USP32: variants seen among roughly 807,000 people sequenced by gnomAD.
USP32 encodes the protein ubiquitin carboxyl-terminal hydrolase 32.
USP32 carries 59 observed loss-of-function variants against 204.8 expected under a neutral mutation model. The observed-to-expected ratio is 0.29, with a 90% confidence interval of 0.23 to 0.36. The LOEUF (loss-of-function observed/expected upper bound fraction) is 0.36. USP32 is among the 10% of genes least tolerant of loss of function. The pLI, the probability that USP32 is intolerant of heterozygous loss-of-function variation, is 1.00. For synonymous variants in USP32, 517 were observed against 678.4 expected (o/e 0.76, Z 3.70); for missense variants, 1,160 against 1,946.4 (o/e 0.60, Z 7.60).
At chr17:60,402,258 T>C (rs1047509391) in intron 1 of USP32, among the ~76,000 whole-genome samples, 11 of 150,236 alleles carry the variant, frequency 7.3e-5, no homozygotes, top group African/African-American at 2.7e-4. Context: ...TTTTTTTTTT[T>C]TTTTTTTTTT....
intron 18 of USP32, among the ~76,000 whole-genome samples, chr17:60,212,594 C>T (rs1335465335): frequency 6.6e-6 from 1 of 151,694 alleles, no homozygotes; most frequent in Non-Finnish European, 1.5e-5. Context: ...TTTAAAGTCA[C>T]TTGGTTTGAA....
At chr17:60,377,068 A>C (rs1330602248) in intron 1 of USP32, among the ~76,000 whole-genome samples, 2 of 152,154 alleles carry the variant, frequency 1.3e-5, no homozygotes, top group Non-Finnish European at 2.9e-5. Flanking sequence ...TTTTTCGGCC[A>C]ATATTTACAT....
rs576931983 is a variant in USP32, at chr17:60,416,494, G to T, written c.106+5752C>A. ...GCCTAAAGTATATGGCACATATTTG[G>T]ATTAAAAAAAATGTGGTGGAGGGAT... On this transcript the variant is annotated intron_variant, in intron 1 of 3. Transcript: ENST00000588898. Among the ~76,000 whole-genome samples the T allele has an allele frequency of 1.8e-3, 277 of 152,084 alleles. 1 individual carries two copies. Among genetic ancestry groups the T allele is most frequent in the Non-Finnish European group, 1.9e-3 (131 of 67,958 alleles).
At chr17:60,363,909 C>G (rs2089262909) in intron 1 of USP32, among the ~76,000 whole-genome samples, 1 of 152,004 alleles carries the variant, frequency 6.6e-6, no homozygotes, top group Admixed American at 6.6e-5. Context: ...TGGGGGGGCA[C>G]CTTACAGACA....
chr17:60,230,987 A>G (rs913739081), intron 12 of USP32, among the ~76,000 whole-genome samples: 2 of 152,208 alleles, frequency 1.3e-5, no homozygotes, highest in African/African-American at 2.4e-5. Context: ...GAACTATTCA[A>G]AATTATCCTA....
At chr17:60,375,451 A>C (rs755882459) in intron 1 of USP32, among the ~76,000 whole-genome samples, 1 of 152,214 alleles carries the variant, frequency 6.6e-6, no homozygotes, top group Non-Finnish European at 1.5e-5. Context: ...ACTTAAAGGA[A>C]CGTCTACAAT....
chr17:60,232,956 C>CTGGGCTAACTCATT (rs2085613563), intron 12 of USP32, among the ~76,000 whole-genome samples: 2 of 152,166 alleles, frequency 1.3e-5, no homozygotes, highest in African/African-American at 4.8e-5. Flanking sequence ...AAGTGCTTCA[C>CTGGGCTAACTCATT]ATGTATTAAC....
chr17:60,238,752 C>T (rs1012343208), intron 11 of USP32, among the ~76,000 whole-genome samples: 1 of 148,350 alleles, frequency 6.7e-6, no homozygotes, highest in Non-Finnish European at 1.5e-5. Flanking sequence ...TGCAGTGAGT[C>T]GAGATCATGC....
chr17:60,255,549 T>C (rs1444559559), intron 9 of USP32, among the ~76,000 whole-genome samples: 1 of 152,150 alleles, frequency 6.6e-6, no homozygotes, highest in Non-Finnish European at 1.5e-5. Context: ...CCATCCGCCT[T>C]GGCCTCCCAA....
chr17:60,412,534 CAAA>C (rs202179814), intron 1 of USP32, among the ~76,000 whole-genome samples: 8 of 108,554 alleles, frequency 7.4e-5, no homozygotes, highest in Middle Eastern at 4.6e-3. Flanking sequence ...TACCCTGTTT[CAAA>C]AAAAAAAAAA....
chr17:60,193,042 C>T (rs2084426205), intron 27 of USP32, 112 bp from the exon 28 acceptor site: 13 of 1,116,792 alleles, frequency 1.2e-5, no homozygotes, highest in East Asian at 2.5e-5. Flanking sequence ...CATAGCAGTA[C>T]GCTCATGTTG....
intron 11 of USP32, chr17:60,245,487 T>A (rs549501139): frequency 1.1e-4 from 36 of 336,822 alleles, no homozygotes; most frequent in South Asian, 1.0e-3. Context: ...GCATGTGGTT[T>A]GTTTTTTGTT....
chr17:60,405,532 C>T (rs904907183), intron 1 of USP32, among the ~76,000 whole-genome samples: 6 of 152,100 alleles, frequency 3.9e-5, no homozygotes, highest in South Asian at 2.1e-4. Flanking sequence ...TAAAATCATG[C>T]GGTTGAATTG....
At chr17:60,362,277 T>C (rs542202078) in intron 1 of USP32, among the ~76,000 whole-genome samples, 3 of 152,326 alleles carry the variant, frequency 2.0e-5, no homozygotes, top group East Asian at 1.9e-4. Flanking sequence ...AAGAAAAATA[T>C]AGAATGAAAT....
chr17:60,255,678 G>A (rs565182607), intron 9 of USP32, among the ~76,000 whole-genome samples: 4 of 152,230 alleles, frequency 2.6e-5, no homozygotes, highest in South Asian at 2.1e-4. Context: ...GTTCAAGTTC[G>A]TTCCTGTATG....
At chr17:60,399,762 G>A (rs769682417) in intron 1 of USP32, among the ~76,000 whole-genome samples, 1 of 152,036 alleles carries the variant, frequency 6.6e-6, no homozygotes, top group Non-Finnish European at 1.5e-5. Flanking sequence ...TGGAAGGAGA[G>A]AATGAAGCAG....
chr17:60,267,640 C>G (rs889454492), intron 7 of USP32, among the ~76,000 whole-genome samples: 1 of 151,892 alleles, frequency 6.6e-6, no homozygotes, highest in Non-Finnish European at 1.5e-5. Flanking sequence ...CCTGCCTCAG[C>G]CTCCCGAGTA....
chr17:60,273,497 G>GTTT, intron 5 of USP32, among the ~76,000 whole-genome samples: 1 of 152,074 alleles, frequency 6.6e-6, no homozygotes, highest in East Asian at 1.9e-4. Context: ...TGGAAAATAT[G>GTTT]GTGCTGATCC....
chr17:60,308,717 C>T (rs2087786311), intron 2 of USP32, among the ~76,000 whole-genome samples: 1 of 152,294 alleles, frequency 6.6e-6, no homozygotes, highest in Admixed American at 6.5e-5. Context: ...CACTTGAGGT[C>T]AGGAGTTCAA....
Sources: gnomAD v4.1 joint callset for allele counts (sites outside exome capture counted in the v4.1 genomes callset) on GRCh38, gnomAD v4.1.1 for gene constraint, MANE v1.5 for transcripts, NCBI Gene and HGNC (gene_info 2026-07-23, HGNC 2026-07-21) for gene names.